The following ALK variants were observed in gnomAD, a reference collection of about 807,000 sequenced individuals.
The protein encoded by ALK is ALK tyrosine kinase receptor.
In ALK, 74 loss-of-function variants were observed where a neutral mutation model predicts 163.1. The ratio of observed to expected loss-of-function variants is 0.45; its 90% CI spans 0.38 to 0.55. The LOEUF is 0.55. Among genes scored for constraint, ALK ranks in the 20% least tolerant of loss-of-function variants. The pLI, the probability that ALK is intolerant of heterozygous loss-of-function variation, is 0.00. For missense variants in ALK, 2,063 were observed against 2,105.3 expected (o/e 0.98, Z 0.39); for synonymous variants, 960 against 843.2 (o/e 1.14, Z -2.40).
At chr2:29,446,321 G>A (rs1301895634) in intron 4 of ALK, among the ~76,000 whole-genome samples, 1 of 151,936 alleles carries the variant, frequency 6.6e-6, no homozygotes, top group African/African-American at 2.4e-5. Flanking sequence ...ATGTTGGCAG[G>A]ACTATTTACC....
At chr2:29,591,073 A>AC (rs1255837893) in intron 3 of ALK, among the ~76,000 whole-genome samples, 1 of 62,472 alleles carries the variant, frequency 1.6e-5, no homozygotes, top group Non-Finnish European at 3.7e-5. Context: ...TCCGTCTCAA[A>AC]AAAAAAAAAA....
rs181028593 is a variant in ALK, at chr2:29,563,708, T to C, written c.953-31592A>G. Among the ~76,000 whole-genome samples, 3 of 152,332 alleles carry C rather than the reference T, an allele frequency of 2.0e-5. No homozygotes were observed. In the East Asian group the frequency reaches 5.8e-4, roughly 29 times the overall value. On this transcript the variant is annotated intron_variant, in intron 3 of 28. Transcript: ENST00000389048. ...GCGATGATATCTTTTAGGTTAACTG[T>C]TCTTGCTTATCTCTGCACATAGGCC... is the stretch of plus-strand genomic sequence containing the variant.
At chr2:29,732,739 C>G (rs991628093) in intron 1 of ALK, among the ~76,000 whole-genome samples, 1 of 152,102 alleles carries the variant, frequency 6.6e-6, no homozygotes, top group East Asian at 1.9e-4. Context: ...GAACCCTCAC[C>G]CCTTCCACCA....
chr2:29,692,777 C>A (rs1678439576), intron 3 of ALK, among the ~76,000 whole-genome samples: 1 of 152,034 alleles, frequency 6.6e-6, no homozygotes, highest in Non-Finnish European at 1.5e-5. Context: ...ACATGTGCAC[C>A]AAGAGAGATG....
At chr2:29,523,342 T>G (rs4555302) in intron 4 of ALK, among the ~76,000 whole-genome samples, 23,317 of 151,972 alleles carry the variant, frequency 0.15, 2,109 homozygotes, top group East Asian at 0.33. Flanking sequence ...ACAGCACCCA[T>G]TACACCCCTT....
chr2:29,302,873 CA>C (rs1199017811), intron 8 of ALK, among the ~76,000 whole-genome samples: 1 of 152,090 alleles, frequency 6.6e-6, no homozygotes, highest in Non-Finnish European at 1.5e-5. Context: ...AAAATTAATT[CA>C]AGATGTATTA....
At chr2:29,569,435 C>T (rs1252237552) in intron 3 of ALK, among the ~76,000 whole-genome samples, 1 of 152,118 alleles carries the variant, frequency 6.6e-6, no homozygotes, top group Non-Finnish European at 1.5e-5. Flanking sequence ...TCTCAGTTTC[C>T]TTGTCTATAG....
intron 3 of ALK, among the ~76,000 whole-genome samples, chr2:29,548,247 A>ACGGAT (rs1673610664): frequency 6.6e-6 from 1 of 152,080 alleles, no homozygotes; most frequent in Admixed American, 6.5e-5. Flanking sequence ...GCCAAGGCAG[A>ACGGAT]CGGATCACGA....
intron 4 of ALK, among the ~76,000 whole-genome samples, chr2:29,415,090 G>C (rs532629737): frequency 6.6e-6 from 1 of 150,408 alleles, no homozygotes; most frequent in Non-Finnish European, 1.5e-5. Flanking sequence ...ACAGTCACAG[G>C]CTCTAGTTTG....
chr2:29,726,583 C>A (rs1316129298), intron 1 of ALK, among the ~76,000 whole-genome samples: 1 of 152,188 alleles, frequency 6.6e-6, no homozygotes, highest in Non-Finnish European at 1.5e-5. Context: ...TATCCAAGAA[C>A]AACTGGCTCT....
chr2:29,642,864 T>C (rs7600123), intron 3 of ALK, among the ~76,000 whole-genome samples: 231 of 152,352 alleles, frequency 1.5e-3, no homozygotes, highest in African/African-American at 5.1e-3. Flanking sequence ...CTTCAGGAAT[T>C]GTTTCAGTAA....
intron 12 of ALK, among the ~76,000 whole-genome samples, chr2:29,244,446 G>T (rs1305853854): frequency 1.3e-5 from 2 of 152,172 alleles, no homozygotes; most frequent in African/African-American, 2.4e-5. Flanking sequence ...GGGCCCAATT[G>T]TGGAGGCAGG....
At chr2:29,802,558 A>G (rs192423278) in intron 1 of ALK, among the ~76,000 whole-genome samples, 102 of 2,036 alleles carry the variant, frequency 0.05, 2 homozygotes, top group African/African-American at 0.068. Flanking sequence ...GGAGGGGAGG[A>G]GAGGGGAGGG....
chr2:29,522,418 C>T (rs10171094), intron 4 of ALK, among the ~76,000 whole-genome samples: 9,287 of 152,052 alleles, frequency 0.061, 486 homozygotes, highest in African/African-American at 0.14. Flanking sequence ...ATACAAATTA[C>T]GGGGAATGAA....
rs1669333686 is a variant in ALK, at chr2:29,207,186, G to A, written c.3923C>T (p.Ser1308Phe). ...PEAFMEGIFT[S>F]KTDTWSFGVL... ...GCTGACTTACCATGTGTCTGTTTTAGAAGTGAATATTCCTTCCATGAAGGC... is the reference window on the plus strand; with the variant it reads ...GCTGACTTACCATGTGTCTGTTTTAAAAGTGAATATTCCTTCCATGAAGGC... Residue 1308 changes from serine (S) to phenylalanine (F), a missense_variant, in exon 26 of 29, where the codon TCT (serine) becomes TTT (phenylalanine). Physicochemically the swap from Ser to Phe is radical, Grantham distance 155 (BLOSUM62 -2). Transcript: ENST00000389048. 6.2e-7 allele frequency: 1 copy of A among 1,613,700 alleles called. No homozygotes were observed. The highest frequency in any genetic ancestry group is 8.5e-7 in the Non-Finnish European group (1 of 1,179,634).
At chr2:29,820,528 T>C (rs1201475425) in intron 1 of ALK, among the ~76,000 whole-genome samples, 1 of 152,200 alleles carries the variant, frequency 6.6e-6, no homozygotes, top group African/African-American at 2.4e-5. Flanking sequence ...AACCAATACA[T>C]TGGTCTTGAA....
At chr2:29,493,390 CAGAG>C (rs1277634527) in intron 4 of ALK, among the ~76,000 whole-genome samples, 2 of 152,208 alleles carry the variant, frequency 1.3e-5, no homozygotes, top group African/African-American at 4.8e-5. Flanking sequence ...GCGTACACAT[CAGAG>C]AGTCACGTAT....
chr2:29,890,281 T>G (rs184517674), intron 1 of ALK: 1 of 150,846 alleles, frequency 6.6e-6, no homozygotes, highest in African/African-American at 2.4e-5. Context: ...GTATTAGTAC[T>G]GTTTCAGAAT....
At chr2:29,384,217 G>A (rs879583372) in intron 4 of ALK, among the ~76,000 whole-genome samples, 9 of 152,104 alleles carry the variant, frequency 5.9e-5, no homozygotes, top group Non-Finnish European at 1.3e-4. Context: ...GTAGACTCAA[G>A]GAAATGTCTT....
Sources: gnomAD v4.1 joint callset for allele counts (sites outside exome capture counted in the v4.1 genomes callset) on GRCh38, gnomAD v4.1.1 for gene constraint, MANE v1.5 for transcripts, NCBI Gene and HGNC (gene_info 2026-07-23, HGNC 2026-07-21) for gene names.